Variants in CENPP observed in about 807,000 individuals in gnomAD.
The protein encoded by CENPP is centromere protein P.
Under a neutral mutation model 35.6 loss-of-function variants are expected in CENPP, and 24 were observed. The observed-to-expected ratio is 0.67, with a 90% CI of 0.49 to 0.95. The LOEUF (loss-of-function observed/expected upper bound fraction) is 0.95. Among genes scored for constraint, CENPP ranks in the 40% least tolerant of loss-of-function variants. The pLI, the probability that CENPP is intolerant of heterozygous loss-of-function variation, is 0.00. For synonymous variants in CENPP, 120 were observed against 125.5 expected (o/e 0.96, Z 0.29); for missense variants, 332 against 345.3 (o/e 0.96, Z 0.31).
chr9:92,605,357 C>G lies in CENPP; in HGVS notation c.565-5957C>G, dbSNP rs548701211. 2.0e-5 allele frequency among the ~76,000 whole-genome samples: 3 copies of G among 149,534 alleles called. No individual in the cohort carries two copies. In the South Asian group the frequency reaches 6.4e-4, roughly 32 times the overall value. ...ATGGTGTACAGTAAGCATTGAAATT[C>G]ATTTTTTTTTTTTTACATGTGGATA... On this transcript the variant is annotated intron_variant, in intron 5 of 7. Transcript: ENST00000375587.
In CENPP at chr9:92,450,674, G is replaced by T. The variant is rs185304836; in HGVS notation, c.564+70815G>T. Among the ~76,000 whole-genome samples the T allele has an allele frequency of 1.9e-4, 29 of 152,232 alleles. 1 individual carries two copies. The East Asian group carries it at 4.4e-3, about 23-fold the overall frequency. Reference sequence around the variant, plus strand: ...CAGATCTCTGGGGAATCGCCACACTGACTTCCACAATGGTTGAACTAGTTT... The same window carrying T: ...CAGATCTCTGGGGAATCGCCACACTTACTTCCACAATGGTTGAACTAGTTT... On this transcript the variant is annotated intron_variant, in intron 5 of 7. Coordinates refer to ENST00000375587, the MANE Select transcript of CENPP (RefSeq NM_001012267.3).
rs1358958753 is a variant in CENPP, at chr9:92,615,985, G to A, written c.*2836G>A. The A allele has an allele frequency of 6.8e-6, 11 of 1,614,022 alleles. No individual in the cohort carries two copies. The highest frequency in any genetic ancestry group is 8.5e-6 in the Non-Finnish European group (10 of 1,180,030). On this transcript the variant is annotated 3_prime_UTR_variant, in exon 8 of 8. Transcript: ENST00000375587. ...GGGGAATGCTCTCGTAGGGCTTGAG[G>A]TCAAGGTCCAGCACAGACACGGAAA...
intron 5 of CENPP, among the ~76,000 whole-genome samples, chr9:92,551,468 T>G (rs1475088745): frequency 6.6e-6 from 1 of 152,112 alleles, no homozygotes; most frequent in Non-Finnish European, 1.5e-5. Flanking sequence ...CTGTCAAATG[T>G]CTGGGACTAC....
chr9:92,600,436 C>A (rs751783179), intron 5 of CENPP: 44 of 1,612,560 alleles, frequency 2.7e-5, no homozygotes, highest in Non-Finnish European at 3.7e-5. Context: ...CAAGTCTGTA[C>A]AAACAAGAAA....
intron 5 of CENPP, chr9:92,470,551 T>C (rs904233041): frequency 3.7e-6 from 2 of 539,536 alleles, no homozygotes; most frequent in Non-Finnish European, 6.2e-6. Flanking sequence ...TGCAGGGATT[T>C]TTGTCATTCT....
intron 5 of CENPP, among the ~76,000 whole-genome samples, chr9:92,598,396 C>G (rs1363210484): frequency 1.3e-5 from 2 of 152,226 alleles, no homozygotes; most frequent in Non-Finnish European, 2.9e-5. Context: ...ACAGTGATTT[C>G]CAGTGAGAAA....
In CENPP at chr9:92,547,931, G is replaced by A. The variant is rs73522355; in HGVS notation, c.565-63383G>A. Among the ~76,000 whole-genome samples, 800 of 152,190 alleles carry A rather than the reference G, an allele frequency of 5.3e-3. 13 individuals are homozygous for A. Among genetic ancestry groups the A allele is most frequent in the African/African-American group, 0.018 (749 of 41,536 alleles). The stretch of plus-strand genomic sequence containing the variant: ...CAGTGTGGTAAAGCAAGAAAAAGAA[G>A]AGAAACAGTTTTTCCTTCATTTTCT... On this transcript the variant is annotated intron_variant, in intron 5 of 7. Coordinates refer to ENST00000375587, the MANE Select transcript of CENPP (RefSeq NM_001012267.3).
chr9:92,482,044 T>G (rs866076881), intron 5 of CENPP, among the ~76,000 whole-genome samples: 11 of 152,034 alleles, frequency 7.2e-5, no homozygotes, highest in Admixed American at 3.3e-4. Flanking sequence ...AATGACAGGT[T>G]TTCACTTAGC....
rs1482956541 is a variant in CENPP, at chr9:92,619,557, C to T, written c.*6408C>T. 4 of 1,581,506 alleles carry T rather than the reference C, an allele frequency of 2.5e-6. No individual in the cohort carries two copies. The highest frequency in any genetic ancestry group is 1.8e-5 in the Admixed American group (1 of 54,188). ...CCTTGGCAGTCATGGCGACGCGGTA[C>T]TGCTGCACCTGCAGGGGCGGGAAAG... On this transcript the variant is annotated 3_prime_UTR_variant, in exon 8 of 8. Transcript: ENST00000375587.
At chr9:92,397,953 A>G (rs1217377594) in intron 5 of CENPP, among the ~76,000 whole-genome samples, 3 of 152,204 alleles carry the variant, frequency 2.0e-5, no homozygotes, top group Admixed American at 6.5e-5. Flanking sequence ...AGTATCTTCT[A>G]TTCCAAACCA....
intron 5 of CENPP, among the ~76,000 whole-genome samples, chr9:92,443,826 A>AT (rs780096743): frequency 1.3e-5 from 2 of 151,562 alleles, no homozygotes; most frequent in African/African-American, 2.4e-5. Context: ...CGCCCAGCTA[A>AT]TTTTTTTTGT....
chr9:92,550,885 C>T (rs1382837186), intron 5 of CENPP, among the ~76,000 whole-genome samples: 1 of 152,148 alleles, frequency 6.6e-6, no homozygotes, highest in Admixed American at 6.5e-5. Context: ...GCCCGCCACA[C>T]TTTTCTACCC....
chr9:92,536,860 AT>A (rs200712976), intron 5 of CENPP, among the ~76,000 whole-genome samples: 1 of 139,994 alleles, frequency 7.1e-6, no homozygotes, highest in Non-Finnish European at 1.5e-5. Context: ...TTTTAGAACT[AT>A]TTTTTAAATT....
At chr9:92,429,921 T>G (rs1281754776) in intron 5 of CENPP, among the ~76,000 whole-genome samples, 1 of 152,220 alleles carries the variant, frequency 6.6e-6, no homozygotes, top group Admixed American at 6.5e-5. Context: ...CATTCTTGTA[T>G]GAAATTGGAG....
chr9:92,530,762 A>G (rs1192353158), intron 5 of CENPP, among the ~76,000 whole-genome samples: 1 of 152,090 alleles, frequency 6.6e-6, no homozygotes, highest in Non-Finnish European at 1.5e-5. Context: ...TGAGTATATT[A>G]TGTGGTACTG....
At chr9:92,349,435 C>T (rs1311990789) in intron 4 of CENPP, among the ~76,000 whole-genome samples, 14 of 148,118 alleles carry the variant, frequency 9.5e-5, no homozygotes, top group African/African-American at 1.2e-4. Flanking sequence ...GACGGAGTCT[C>T]GCCCTGTCAC....
chr9:92,376,136 C>G (rs931417501), intron 4 of CENPP, among the ~76,000 whole-genome samples: 3 of 152,198 alleles, frequency 2.0e-5, no homozygotes, highest in African/African-American at 7.2e-5. Flanking sequence ...CTCTTCTAAG[C>G]ATGCATTCTG....
At chr9:92,403,423 G>A in intron 5 of CENPP, 1 of 1,590,324 alleles carries the variant, frequency 6.3e-7, no homozygotes, top group Non-Finnish European at 8.5e-7. Flanking sequence ...CAAAAATCAA[G>A]GTGACTGGAA....
chr9:92,423,316 C>T (rs1843870618), intron 5 of CENPP, among the ~76,000 whole-genome samples: 1 of 151,880 alleles, frequency 6.6e-6, no homozygotes, highest in African/African-American at 2.4e-5. Flanking sequence ...GCAATAAAAC[C>T]ATCTGTGTCA....
Sources: gnomAD v4.1 joint callset for allele counts (sites outside exome capture counted in the v4.1 genomes callset) on GRCh38, gnomAD v4.1.1 for gene constraint, MANE v1.5 for transcripts, NCBI Gene and HGNC (gene_info 2026-07-23, HGNC 2026-07-21) for gene names.